DCLK2: variants seen among roughly 807,000 people sequenced by gnomAD.
DCLK2 encodes the protein serine/threonine-protein kinase DCLK2.
DCLK2 carries 31 observed loss-of-function variants against 78.4 expected under a neutral mutation model. That is an observed-to-expected ratio of 0.40 (90% CI 0.30 to 0.53). DCLK2 has a LOEUF of 0.53. Among genes scored for constraint, DCLK2 ranks in the 20% least tolerant of loss-of-function variants. The probability of loss-of-function intolerance (pLI) is 0.61; values close to 1 mark genes in which losing one functional copy is unlikely to be tolerated. For synonymous variants in DCLK2, 407 were observed against 374.9 expected, an observed-to-expected ratio of 1.09 and a Z score of -0.99; for missense variants, 872 against 973.7, an observed-to-expected ratio of 0.90 and a Z score of 1.39.
chr4:150,199,399 T>C (rs1418609988), intron 4 of DCLK2, among the ~76,000 whole-genome samples: 1 of 152,204 alleles, frequency 6.6e-6, no homozygotes, highest in Non-Finnish European at 1.5e-5. Flanking sequence ...GGCTGAAGTT[T>C]GTTGGTAATG....
intron 2 of DCLK2, among the ~76,000 whole-genome samples, chr4:150,158,418 T>TCCCAATAAG (rs1430837538): frequency 1.3e-5 from 2 of 152,104 alleles, no homozygotes; most frequent in Non-Finnish European, 2.9e-5. Flanking sequence ...CTATAACACC[T>TCCCAATAAG]CCCAATAAGT....
At chr4:150,137,144 CTATT>C (rs982000995) in intron 2 of DCLK2, among the ~76,000 whole-genome samples, 6 of 151,892 alleles carry the variant, frequency 4.0e-5, no homozygotes, top group African/African-American at 9.7e-5. Context: ...CATGCCCAGT[CTATT>C]TATTATCCTT....
At chr4:150,084,164 T>C (rs1206133759) in intron 1 of DCLK2, among the ~76,000 whole-genome samples, 2 of 152,204 alleles carry the variant, frequency 1.3e-5, no homozygotes, top group Non-Finnish European at 2.9e-5. Context: ...CACTTAGCTT[T>C]GTAGTCTCAT....
chr4:150,136,964 T>C (rs1043689572), intron 2 of DCLK2, among the ~76,000 whole-genome samples: 2 of 147,474 alleles, frequency 1.4e-5, no homozygotes, highest in South Asian at 2.3e-4. Context: ...TTCTCATCTT[T>C]TTCTTCTTCT....
intron 2 of DCLK2, among the ~76,000 whole-genome samples, chr4:150,148,704 AAT>A (rs1461873713): frequency 6.6e-6 from 1 of 151,984 alleles, no homozygotes; most frequent in Admixed American, 6.6e-5. Flanking sequence ...CCTACATCTA[AAT>A]ATAGAGTTCA....
chr4:150,080,443 A>G (rs916983517), intron 1 of DCLK2, among the ~76,000 whole-genome samples: 1 of 152,226 alleles, frequency 6.6e-6, no homozygotes, highest in East Asian at 1.9e-4. Flanking sequence ...CCAGTTCTAA[A>G]TAACATCCAG....
intron 2 of DCLK2, among the ~76,000 whole-genome samples, chr4:150,171,425 G>A (rs1321047689): frequency 6.6e-6 from 1 of 152,170 alleles, no homozygotes; most frequent in Admixed American, 6.5e-5. Flanking sequence ...AGCTTCCAGT[G>A]AGCAGATATC....
At chr4:150,245,064 A>G (rs946957090) in intron 12 of DCLK2, among the ~76,000 whole-genome samples, 1 of 151,856 alleles carries the variant, frequency 6.6e-6, no homozygotes, top group Non-Finnish European at 1.5e-5. Flanking sequence ...TTCTAACATC[A>G]TATGTTGGAG....
chr4:150,089,938 G>A (rs1374429831), intron 1 of DCLK2, among the ~76,000 whole-genome samples: 8 of 152,100 alleles, frequency 5.3e-5, no homozygotes, highest in Admixed American at 2.0e-4. Flanking sequence ...TTGTCCTCTC[G>A]CCTTAACTTG....
In DCLK2 at chr4:150,086,538, A is replaced by T. The variant is rs1288889122; in HGVS notation, c.421+7090A>T. Among the ~76,000 whole-genome samples, 5 of 147,182 alleles carry T rather than the reference A, an allele frequency of 3.4e-5. No homozygotes were observed. In the Admixed American group the frequency reaches 3.4e-4, roughly 10 times the overall value. On this transcript the variant is annotated intron_variant, in intron 1 of 15. Coordinates refer to ENST00000296550, the MANE Select transcript of DCLK2 (RefSeq NM_001040260.4). ...TTTTTTTTTTTTGAGACTGAGTCTC[A>T]CTCTGTCTGCCAGGCTGGAGTGCAG...
chr4:150,203,790 G>A lies in DCLK2; in HGVS notation c.962-5G>A, dbSNP rs915511875. The A allele has an allele frequency of 6.2e-7, 1 of 1,611,836 alleles. No homozygotes were observed. Among genetic ancestry groups the A allele is most frequent in the African/African-American group, 1.3e-5 (1 of 74,924 alleles). On this transcript the variant is annotated splice_polypyrimidine_tract_variant and splice_region_variant and intron_variant, in intron 4 of 15. Transcript: ENST00000296550. ...CTTCTGTCTTCTTTGTTGTCTCATG[G>A]GCAGTTAATGGAACTCCCAGCAGCC...
intron 2 of DCLK2, chr4:150,175,432 G>A (rs192984352): frequency 2.0e-5 from 3 of 151,902 alleles, no homozygotes; most frequent in Admixed American, 6.6e-5. Context: ...TAATTTCTGG[G>A]TGTTTGAGCC....
chr4:150,079,535 G>A (rs2150124704), intron 1 of DCLK2, 87 bp downstream of exon 1: 1 of 1,335,476 alleles, frequency 7.5e-7, no homozygotes, highest in East Asian at 2.7e-5. Flanking sequence ...GAGCCCGCGG[G>A]GTGCTTTCCA....
At chr4:150,206,135 C>A (rs1580714781) in intron 5 of DCLK2, among the ~76,000 whole-genome samples, 1 of 152,180 alleles carries the variant, frequency 6.6e-6, no homozygotes, top group South Asian at 2.1e-4. Context: ...GGACAGCTAA[C>A]CATTTCAAAG....
At chr4:150,201,302 C>T (rs1006327564) in intron 4 of DCLK2, among the ~76,000 whole-genome samples, 6 of 152,096 alleles carry the variant, frequency 3.9e-5, no homozygotes, top group South Asian at 2.1e-4. Context: ...TGCTGGCTGG[C>T]GGAGGCATAC....
chr4:150,141,201 A>G (rs1734078784), intron 2 of DCLK2, among the ~76,000 whole-genome samples: 1 of 152,170 alleles, frequency 6.6e-6, no homozygotes, highest in Admixed American at 6.5e-5. Flanking sequence ...TAATCTTATA[A>G]AAGTTCTAGG....
In DCLK2 at chr4:150,079,072, G is replaced by T. The variant is rs548857898; in HGVS notation, c.45G>T (p.Arg15=). 6.4e-7 allele frequency: 1 copy of T among 1,564,040 alleles called. No individual in the cohort carries two copies. The highest frequency in any genetic ancestry group is 1.2e-5 in the South Asian group (1 of 81,622). ...RSIELEHFEE[R]DKRPRPGSRR... ...TCGAGCTGGAGCACTTTGAGGAACG[G>T]GACAAAAGGCCGCGGCCGGGGTCGC... The change falls in exon 1 of 16, where the codon CGG becomes CGT. Residue 15 remains arginine, a synonymous_variant. Transcript: ENST00000296550.
intron 2 of DCLK2, among the ~76,000 whole-genome samples, chr4:150,157,837 G>A (rs1005122898): frequency 3.3e-5 from 5 of 152,004 alleles, no homozygotes; most frequent in African/African-American, 4.8e-5. Flanking sequence ...CCATGTTTCC[G>A]GACTGGTCTT....
intron 2 of DCLK2, among the ~76,000 whole-genome samples, chr4:150,116,530 T>C (rs555172342): frequency 2.6e-5 from 4 of 152,290 alleles, no homozygotes; most frequent in Admixed American, 2.6e-4. Flanking sequence ...CTGCTGCTCC[T>C]CTAGGTCTAG....
Sources: allele counts gnomAD v4.1 joint callset (sites outside exome capture counted in the v4.1 genomes callset), GRCh38; gene constraint gnomAD v4.1.1; transcripts MANE v1.5; gene names NCBI Gene and HGNC (gene_info 2026-07-23, HGNC 2026-07-21).